Variants in GLIS1 observed in about 807,000 individuals in gnomAD.
The protein encoded by GLIS1 is zinc finger protein GLIS1.
In GLIS1, 24 loss-of-function variants were observed where a neutral mutation model predicts 63.8. The observed-to-expected ratio is 0.38, with a 90% confidence interval of 0.27 to 0.53. The LOEUF is 0.53. GLIS1 is among the 20% of genes least tolerant of loss of function. The pLI, the probability that GLIS1 is intolerant of heterozygous loss-of-function variation, is 0.85. For missense variants in GLIS1, 1,036 were observed against 1,074.1 expected (o/e 0.96, Z 0.50); for synonymous variants, 450 against 482.5 (o/e 0.93, Z 0.88).
intron 4 of GLIS1, among the ~76,000 whole-genome samples, chr1:53,547,661 G>A (rs1219276788): frequency 2.6e-5 from 4 of 152,226 alleles, no homozygotes; most frequent in Admixed American, 6.5e-5. Flanking sequence ...GAAGGCCAAC[G>A]CAGTGGGTTT....
At chr1:53,656,308 T>G (rs12561920) in intron 2 of GLIS1, among the ~76,000 whole-genome samples, 48,942 of 151,870 alleles carry the variant, frequency 0.32, 8,306 homozygotes, top group East Asian at 0.42. Context: ...CCCTCGCCTC[T>G]CATCAGGAGT....
chr1:53,687,979 G>A (rs1424791579), intron 2 of GLIS1, among the ~76,000 whole-genome samples: 1 of 152,158 alleles, frequency 6.6e-6, no homozygotes, highest in East Asian at 1.9e-4. Context: ...CCCACCTCAA[G>A]CCCGGAGGAC....
intron 4 of GLIS1, among the ~76,000 whole-genome samples, chr1:53,561,139 C>T (rs1644888402): frequency 6.6e-6 from 1 of 152,196 alleles, no homozygotes; most frequent in Admixed American, 6.5e-5. Context: ...TAGTCCCATT[C>T]CACCCCACTG....
chr1:53,585,090 AT>A (rs1182069917), intron 4 of GLIS1, among the ~76,000 whole-genome samples: 1 of 151,738 alleles, frequency 6.6e-6, no homozygotes, highest in Non-Finnish European at 1.5e-5. Flanking sequence ...TTTATCCTTA[AT>A]TTTTTTTCAT....
chr1:53,727,464 TG>T (rs1372806903), intron 2 of GLIS1, among the ~76,000 whole-genome samples: 18 of 152,348 alleles, frequency 1.2e-4, no homozygotes, highest in African/African-American at 4.3e-4. Context: ...TAGAGAAATC[TG>T]GGTGAGACGT....
At chr1:53,518,376 G>A (rs572128361) in intron 7 of GLIS1, among the ~76,000 whole-genome samples, 2 of 152,300 alleles carry the variant, frequency 1.3e-5, no homozygotes, top group South Asian at 4.1e-4. Flanking sequence ...GCCGACGTGA[G>A]GATGATGGCA....
At chr1:53,600,010 T>TC (rs917526516) in intron 3 of GLIS1, 91 bp downstream of exon 3, 17 of 701,752 alleles carry the variant, frequency 2.4e-5, no homozygotes, top group East Asian at 3.4e-5. Context: ...TCCCCATGTG[T>TC]CCCCCCAGCT....
At position 53,636,316 on chromosome 1, in the gene GLIS1, A is replaced by G. The variant is rs543113420; in HGVS notation, c.260-36038T>C. Reference sequence around the variant, plus strand: ...ATTAGAAAATCACTTAACGCTATTCACCACATTAGTAGATTTTAAAAGAAG... The same window carrying G: ...ATTAGAAAATCACTTAACGCTATTCGCCACATTAGTAGATTTTAAAAGAAG... On this transcript the variant is annotated intron_variant, in intron 2 of 10. Coordinates refer to ENST00000628545, the MANE Select transcript of GLIS1 (RefSeq NM_001367484.1). Among the ~76,000 whole-genome samples, 366 of 152,330 alleles carry G rather than the reference A, an allele frequency of 2.4e-3. 3 individuals are homozygous for G. Among genetic ancestry groups the G allele is most frequent in the African/African-American group, 8.4e-3 (349 of 41,588 alleles).
intron 2 of GLIS1, among the ~76,000 whole-genome samples, chr1:53,632,956 G>A (rs1446241721): frequency 7.0e-6 from 1 of 143,566 alleles, no homozygotes; most frequent in Non-Finnish European, 1.5e-5. Context: ...TGTGACTGAG[G>A]GGCGTGTATA....
At chr1:53,605,875 G>A (rs963645001) in intron 2 of GLIS1, among the ~76,000 whole-genome samples, 1 of 152,162 alleles carries the variant, frequency 6.6e-6, no homozygotes, top group African/African-American at 2.4e-5. Context: ...TAGAAATGCT[G>A]GGAGGGTAGG....
chr1:53,712,733 G>A (rs1024069517), intron 2 of GLIS1, among the ~76,000 whole-genome samples: 6 of 152,242 alleles, frequency 3.9e-5, no homozygotes, highest in Non-Finnish European at 8.8e-5. Flanking sequence ...CCCTCCTCCC[G>A]AGTGCCCCAG....
chr1:53,634,681 A>C (rs879753756), intron 2 of GLIS1, among the ~76,000 whole-genome samples: 13 of 152,100 alleles, frequency 8.5e-5, no homozygotes, highest in Admixed American at 2.6e-4. Context: ...TCTCGGCCCC[A>C]CCGCTATTCC....
intron 6 of GLIS1, among the ~76,000 whole-genome samples, chr1:53,522,366 A>AGCAT (rs1367699486): frequency 6.6e-6 from 1 of 152,226 alleles, no homozygotes; most frequent in Admixed American, 6.5e-5. Context: ...GTGCGAGCCA[A>AGCAT]GCATGGGGCC....
chr1:53,702,560 A>G (rs1646535007), intron 2 of GLIS1, among the ~76,000 whole-genome samples: 1 of 152,192 alleles, frequency 6.6e-6, no homozygotes, highest in African/African-American at 2.4e-5. Context: ...CACAGGCCAG[A>G]GTTTCCCTAT....
At chr1:53,608,809 G>C (rs1015599586) in intron 2 of GLIS1, among the ~76,000 whole-genome samples, 3 of 152,308 alleles carry the variant, frequency 2.0e-5, no homozygotes, top group South Asian at 2.1e-4. Flanking sequence ...TCCAGATATA[G>C]TGCCACAGTG....
rs532956400 is a variant in GLIS1 at position 53,524,474 on chromosome 1, G to A, written c.1593+303C>T. ...CATCTTCCGTGCCCAGCACAAGGCT[G>A]GACATCATGTGTTTACCACACAAGC... On this transcript the variant is annotated intron_variant, in intron 6 of 10. Transcript: ENST00000628545. Among the ~76,000 whole-genome samples the A allele has an allele frequency of 9.8e-5, 15 of 152,378 alleles. No homozygotes were observed. The East Asian group carries it at 2.1e-3, about 22-fold the overall frequency.
At chr1:53,676,938 G>A (rs1027745216) in intron 2 of GLIS1, among the ~76,000 whole-genome samples, 5 of 152,118 alleles carry the variant, frequency 3.3e-5, no homozygotes, top group Non-Finnish European at 7.3e-5. Flanking sequence ...CCCACTTACC[G>A]GTCCTGCGGG....
At chr1:53,735,387 T>C (rs903297269) in intron 2 of GLIS1, among the ~76,000 whole-genome samples, 7 of 152,244 alleles carry the variant, frequency 4.6e-5, no homozygotes, top group African/African-American at 1.7e-4. Flanking sequence ...ACAACTCTTG[T>C]TTTATTTACC....
chr1:53,626,447 C>T (rs1197753545), intron 2 of GLIS1, among the ~76,000 whole-genome samples: 1 of 152,194 alleles, frequency 6.6e-6, no homozygotes, highest in South Asian at 2.1e-4. Flanking sequence ...GCTGCTACTC[C>T]CCAGCCTGCA....
Sources: allele counts gnomAD v4.1 joint callset (sites outside exome capture counted in the v4.1 genomes callset), GRCh38; gene constraint gnomAD v4.1.1; transcripts MANE v1.5; gene names NCBI Gene and HGNC (gene_info 2026-07-23, HGNC 2026-07-21).